Variants in PLCH1 observed in about 807,000 individuals in gnomAD.
PLCH1 encodes phospholipase C eta 1.
In PLCH1, 60 loss-of-function variants were observed where a neutral mutation model predicts 126.7. That is an observed-to-expected ratio of 0.47 (90% CI 0.38 to 0.59). The LOEUF is 0.59. Among genes scored for constraint, PLCH1 ranks in the 20% least tolerant of loss-of-function variants. The pLI, the probability that PLCH1 is intolerant of heterozygous loss-of-function variation, is 0.00. For synonymous variants in PLCH1, 719 were observed against 734.9 expected (o/e 0.98, Z 0.35); for missense variants, 1,723 against 2,040.0 (o/e 0.84, Z 2.99).
intron 11 of PLCH1, among the ~76,000 whole-genome samples, chr3:155,520,434 T>C (rs1178395802): frequency 6.6e-6 from 1 of 152,188 alleles, no homozygotes; most frequent in Non-Finnish European, 1.5e-5. Context: ...AGGACTCCTT[T>C]AGAACTTGCT....
chr3:155,582,005 C>T (rs1730758167), intron 6 of PLCH1, among the ~76,000 whole-genome samples: 1 of 151,400 alleles, frequency 6.6e-6, no homozygotes, highest in Non-Finnish European at 1.5e-5. Context: ...GCCTCAGTCT[C>T]CCAAAGTGCT....
intron 13 of PLCH1, among the ~76,000 whole-genome samples, chr3:155,502,798 T>C (rs920670268): frequency 5.3e-5 from 8 of 152,242 alleles, no homozygotes; most frequent in African/African-American, 1.4e-4. Flanking sequence ...TTGTCCATTA[T>C]GTGAATGATT....
intron 9 of PLCH1, among the ~76,000 whole-genome samples, chr3:155,551,456 A>G (rs1414018985): frequency 1.7e-4 from 7 of 41,092 alleles, no homozygotes; most frequent in Non-Finnish European, 8.7e-4. Flanking sequence ...AAAAAAAAAA[A>G]AAAAAAAAAA....
At chr3:155,618,462 T>C (rs1328876014) in intron 2 of PLCH1, among the ~76,000 whole-genome samples, 2 of 152,146 alleles carry the variant, frequency 1.3e-5, no homozygotes, top group Non-Finnish European at 2.9e-5. Flanking sequence ...ACGTTTTGAG[T>C]TTAACGTCTG....
In PLCH1 at chr3:155,481,951, C is replaced by T; in HGVS notation, c.4075G>A (p.Glu1359Lys). The change falls in exon 23 of 23, where the codon GAA becomes AAA. Residue 1359 changes from glutamate to lysine, a missense_variant. By Grantham distance (56) the Glu-to-Lys change is moderately conservative. Around this residue, in one of 2 missense-constraint regions of PLCH1, gnomAD observed 947 missense variants for 977.1 expected, o/e 0.97. Transcript: ENST00000460012. The surrounding 1 kb of genome is among the most constrained non-coding windows in gnomAD (Gnocchi z 4.2). ...TCACAGGTTGTTAGAGAAAGATTTT[C>T]TGATTCTCCATCAATTTCCACAAGG... Reference protein sequence around the residue: ...SSLVEIDGESENLSLTTCEYR... With the variant: ...SSLVEIDGESKNLSLTTCEYR... The T allele has an allele frequency of 6.2e-7, 1 of 1,614,154 alleles. No individual in the cohort carries two copies. Among genetic ancestry groups the T allele is most frequent in the Non-Finnish European group, 8.5e-7 (1 of 1,180,032 alleles).
chr3:155,732,754 T>TGTA (rs977195634), intron 1 of PLCH1, among the ~76,000 whole-genome samples: 121 of 151,926 alleles, frequency 8.0e-4, no homozygotes, highest in African/African-American at 2.8e-3. Context: ...GGTGCATGCC[T>TGTA]GTAGTCCCAG....
At chr3:155,730,282 GTT>G (rs57900643) in intron 1 of PLCH1, among the ~76,000 whole-genome samples, 3 of 147,960 alleles carry the variant, frequency 2.0e-5, no homozygotes, top group South Asian at 2.1e-4. Flanking sequence ...AAAATGATTA[GTT>G]TTTTTTTTTT....
chr3:155,505,937 A>C (rs1335638929), intron 12 of PLCH1, among the ~76,000 whole-genome samples: 1 of 149,604 alleles, frequency 6.7e-6, no homozygotes, highest in Non-Finnish European at 1.5e-5. Flanking sequence ...TTAATCTGTG[A>C]GTTCCTCTCT....
chr3:155,629,730 C>T (rs1737802534), intron 2 of PLCH1, among the ~76,000 whole-genome samples: 1 of 152,186 alleles, frequency 6.6e-6, no homozygotes, highest in Admixed American at 6.5e-5. Context: ...CAACCTCCCA[C>T]TGGGAGCGTA....
intron 10 of PLCH1, among the ~76,000 whole-genome samples, chr3:155,536,431 A>T (rs1179635633): frequency 6.6e-6 from 1 of 152,240 alleles, no homozygotes; most frequent in Non-Finnish European, 1.5e-5. Context: ...AAAGTAATGC[A>T]GACTATGGAT....
chr3:155,612,660 C>T (rs1056052578), intron 2 of PLCH1, among the ~76,000 whole-genome samples: 1 of 151,926 alleles, frequency 6.6e-6, no homozygotes, highest in African/African-American at 2.4e-5. Flanking sequence ...CCTATAATCC[C>T]AGTACTTCGG....
At chr3:155,697,252 T>C (rs1745891415) in intron 2 of PLCH1, among the ~76,000 whole-genome samples, 1 of 152,210 alleles carries the variant, frequency 6.6e-6, no homozygotes, top group South Asian at 2.1e-4. Flanking sequence ...CACCAGTAGC[T>C]TTAGGGAAAT....
At chr3:155,542,238 G>C (rs866262989) in intron 10 of PLCH1, among the ~76,000 whole-genome samples, 2 of 152,198 alleles carry the variant, frequency 1.3e-5, no homozygotes, top group African/African-American at 2.4e-5. Context: ...ATTATATCCC[G>C]CACCTGGCTC....
At chr3:155,643,533 T>C (rs1028501483) in intron 2 of PLCH1, among the ~76,000 whole-genome samples, 1 of 152,228 alleles carries the variant, frequency 6.6e-6, no homozygotes, top group Non-Finnish European at 1.5e-5. Flanking sequence ...TTGTCAGAAA[T>C]AGGTAATAAA....
chr3:155,505,845 C>T (rs909760774), intron 12 of PLCH1, among the ~76,000 whole-genome samples: 7 of 151,578 alleles, frequency 4.6e-5, no homozygotes, highest in African/African-American at 1.5e-4. Flanking sequence ...CCCAGTTCTG[C>T]CAACAAGTAG....
chr3:155,663,542 T>C (rs1742406576), intron 2 of PLCH1, among the ~76,000 whole-genome samples: 1 of 152,198 alleles, frequency 6.6e-6, no homozygotes, highest in Admixed American at 6.5e-5. Flanking sequence ...TATTAATGTC[T>C]ATAAAAATAT....
chr3:155,724,141 G>A (rs1362536917), intron 1 of PLCH1, among the ~76,000 whole-genome samples: 1 of 151,992 alleles, frequency 6.6e-6, no homozygotes, highest in African/African-American at 2.4e-5. Context: ...TAAATTTGTT[G>A]AGACTTATTT....
At chr3:155,543,959 G>A (rs530653588) in intron 10 of PLCH1, among the ~76,000 whole-genome samples, 16 of 152,040 alleles carry the variant, frequency 1.1e-4, no homozygotes, top group African/African-American at 3.4e-4. Context: ...GACCATCGAG[G>A]CTAGGAAGAA....
At chr3:155,456,356 C>T (rs1219006685) in intron 21 of PLCH1, among the ~76,000 whole-genome samples, 1 of 151,086 alleles carries the variant, frequency 6.6e-6, no homozygotes, top group Non-Finnish European at 1.5e-5. Flanking sequence ...AAAAAAATCT[C>T]ATAATGGTTT....
Sources: allele counts gnomAD v4.1 joint callset (sites outside exome capture counted in the v4.1 genomes callset), GRCh38; gene constraint gnomAD v4.1.1; regional missense constraint gnomAD v4.1.1; non-coding constraint Gnocchi (gnomAD v3.1); transcripts MANE v1.5; gene names NCBI Gene and HGNC (gene_info 2026-07-23, HGNC 2026-07-21).